The following SAPCD2 variants were observed in gnomAD, a reference collection of about 807,000 sequenced individuals.
The protein encoded by SAPCD2 is suppressor APC domain-containing protein 2.
Under a neutral mutation model 37.8 loss-of-function variants are expected in SAPCD2, and 34 were observed. The observed-to-expected ratio is 0.90, with a 90% CI of 0.68 to 1.20. SAPCD2 has a LOEUF of 1.20. Among genes scored for constraint, SAPCD2 ranks in the 50% most tolerant of loss-of-function variants. The pLI, the probability that SAPCD2 is intolerant of heterozygous loss-of-function variation, is 0.00. For synonymous variants in SAPCD2, 275 were observed against 270.3 expected (o/e 1.02, Z -0.17); for missense variants, 572 against 584.7 (o/e 0.98, Z 0.22).
rs1466655170 is a variant in SAPCD2, at chr9:137,065,561, C to T, written c.792G>A (p.Gln264=). 6.2e-7 allele frequency: 1 copy of T among 1,609,526 alleles called. No homozygotes were observed. Among genetic ancestry groups the T allele is most frequent in the African/African-American group, 1.3e-5 (1 of 74,980 alleles). The change falls in exon 3 of 6, where the codon CAG becomes CAA. Residue 264 remains glutamine, a synonymous_variant. Coordinates refer to ENST00000409687, the MANE Select transcript of SAPCD2 (RefSeq NM_178448.4). ...TCTGGCCCAGGCGGCGCTGGCGCTC[C>T]TGCACTCGTTGCAGCTGCTGCTGGT... ...DWYQQQLQRV[Q]ERQRRLGQSR...
At chr9:137,067,285 G>A (rs1048033382) in intron 1 of SAPCD2, among the ~76,000 whole-genome samples, 24 of 150,776 alleles carry the variant, frequency 1.6e-4, no homozygotes, top group African/African-American at 4.9e-4. Flanking sequence ...CACTGTGCCC[G>A]GCCGGCAATA....
At position 137,063,994 on chromosome 9, in the gene SAPCD2, G is replaced by A. The variant is rs1737880291; in HGVS notation, c.*665C>T. 6.3e-6 allele frequency: 1 copy of A among 158,064 alleles called. No individual in the cohort carries two copies. The highest frequency in any genetic ancestry group is 2.4e-5 in the African/African-American group (1 of 41,460). The allele number at this position is 158,064 out of a possible 1,614,324, so 9.8% of individuals were successfully genotyped here. ...CAAGAGGGGGAAGGCCATCACCCCA[G>A]GGTCTGTGGGAGGCACATGCAGGCC... On this transcript the variant is annotated 3_prime_UTR_variant, in exon 6 of 6. Transcript: ENST00000409687.
In SAPCD2 at chr9:137,070,532, C is replaced by G. The variant is rs916780080; in HGVS notation, c.-72G>C. 1.2e-5 allele frequency: 12 copies of G among 996,482 alleles called. No individual in the cohort carries two copies. The East Asian group carries it at 1.5e-4, about 12-fold the overall frequency. 61.7% of individuals were successfully genotyped at this position (996,482 alleles called of 1,614,324 possible). On this transcript the variant is annotated 5_prime_UTR_variant, in exon 1 of 6. Coordinates refer to ENST00000409687, the MANE Select transcript of SAPCD2 (RefSeq NM_178448.4). The stretch of plus-strand genomic sequence containing the variant: ...CGGCCCCACGGAGGGGCCGGCCCGG[C>G]GAGCTCAGCCCACGGCGACAATAGC...
In SAPCD2 at chr9:137,070,519, G is replaced by A. The variant is rs547985510; in HGVS notation, c.-59C>T. On this transcript the variant is annotated 5_prime_UTR_variant, in exon 1 of 6. Transcript: ENST00000409687. ...GTGCGTCCCAGCGCGGCCCCACGGA[G>A]GGGCCGGCCCGGCGAGCTCAGCCCA... is the stretch of plus-strand genomic sequence containing the variant. 1 of 1,103,256 alleles carries A rather than the reference G, an allele frequency of 9.1e-7. No individual in the cohort carries two copies. Among genetic ancestry groups the A allele is most frequent in the Non-Finnish European group, 1.1e-6 (1 of 879,734 alleles). The allele number at this position is 1,103,256 out of a possible 1,614,324, so 68.3% of individuals were successfully genotyped here.
intron 1 of SAPCD2, among the ~76,000 whole-genome samples, chr9:137,067,032 G>T (rs1832555408): frequency 6.6e-6 from 1 of 152,128 alleles, no homozygotes; most frequent in South Asian, 2.1e-4. Flanking sequence ...CTGTTGCCCA[G>T]GCTGGAGTGC....
In SAPCD2 at chr9:137,070,302, C is replaced by T; in HGVS notation, c.159G>A (p.Glu53=). 1 of 1,479,892 alleles carries T rather than the reference C, an allele frequency of 6.8e-7. No individual in the cohort carries two copies. The highest frequency in any genetic ancestry group is 1.3e-5 in the South Asian group (1 of 79,062). The allele number at this position is 1,479,892 out of a possible 1,614,324, so 91.7% of individuals were successfully genotyped here. ...RRGCVHLREI[E]SRWQGTDARE... ...GCGCGTCGGTGCCCTGCCAGCGGGA[C>T]TCGATCTCGCGCAGGTGCACGCAGC... The change falls in exon 1 of 6, where the codon GAG becomes GAA. Residue 53 remains glutamate (E), a synonymous_variant. Transcript: ENST00000409687.
intron 2 of SAPCD2, 25 bp downstream of exon 2, chr9:137,066,237 C>A (rs1228589115): frequency 6.4e-7 from 1 of 1,559,526 alleles, no homozygotes; most frequent in Non-Finnish European, 8.7e-7. Context: ...ATGGAGAGCC[C>A]CACAGAGCCC....
At position 137,066,123 on chromosome 9, in the gene SAPCD2, C is replaced by T. The variant is rs542226762; in HGVS notation, c.684+139G>A. The T allele has an allele frequency of 1.6e-5, 12 of 733,924 alleles. No individual in the cohort carries two copies. The East Asian group carries it at 3.0e-4, about 18-fold the overall frequency. 45.5% of individuals were successfully genotyped at this position (733,924 alleles called of 1,614,324 possible). ...GGCCATCCCTCCAGGGGAGTCAAGCCCAGGTAGGGAGAGAGATGTCCAGAG... is the reference window on the plus strand; with the variant it reads ...GGCCATCCCTCCAGGGGAGTCAAGCTCAGGTAGGGAGAGAGATGTCCAGAG... On this transcript the variant is annotated intron_variant, in intron 2 of 5. Transcript: ENST00000409687.
At chr9:137,066,477 G>A in intron 1 of SAPCD2, 103 bp from the exon 2 acceptor site, 1 of 864,010 alleles carries the variant, frequency 1.2e-6, no homozygotes, top group Non-Finnish European at 1.8e-6. Context: ...CGAGGTCTCG[G>A]GCACCAGCCT....
At chr9:137,066,672 A>G (rs991920810) in intron 1 of SAPCD2, among the ~76,000 whole-genome samples, 2 of 152,208 alleles carry the variant, frequency 1.3e-5, no homozygotes, top group African/African-American at 2.4e-5. Context: ...TCTCTTCTGC[A>G]CACCCAGTGC....
intron 1 of SAPCD2, among the ~76,000 whole-genome samples, chr9:137,067,926 C>T (rs948231039): frequency 3.3e-5 from 5 of 152,126 alleles, no homozygotes; most frequent in Admixed American, 2.0e-4. Flanking sequence ...AAGAGTATCG[C>T]GTTGGTGCCA....
chr9:137,070,416 G>A lies in SAPCD2; in HGVS notation c.45C>T (p.Pro15=). The A allele has an allele frequency of 3.1e-6, 4 of 1,301,122 alleles. No individual in the cohort carries two copies. Among genetic ancestry groups the A allele is most frequent in the Non-Finnish European group, 3.9e-6 (4 of 1,024,550 alleles). 80.6% of individuals were successfully genotyped at this position (1,301,122 alleles called of 1,614,324 possible). The change falls in exon 1 of 6, where the codon CCC becomes CCT. Residue 15 remains proline (P), a synonymous_variant. Transcript: ENST00000409687. ...GCCCCTCCGTGCTGGGCGCGGGTGC[G>A]GGGGGAGGCACGCGGCCCCGCTCGG... ...AMAERGRVPP[P]APAPSTEGLP...
chr9:137,066,186 GGCCCCCCT>G, intron 2 of SAPCD2, 68 bp downstream of exon 2: 4 of 1,164,328 alleles, frequency 3.4e-6, no homozygotes, highest in Non-Finnish European at 5.0e-6. Context: ...CCAGGCTCAA[GGCCCCCCT>G]GCTCCCATCC....
At chr9:137,066,038 G>A (rs924782159) in intron 2 of SAPCD2, among the ~76,000 whole-genome samples, 2 of 152,180 alleles carry the variant, frequency 1.3e-5, no homozygotes, top group African/African-American at 4.8e-5. Flanking sequence ...TCGTGAGGCG[G>A]GCTGGGCAGC....
rs1324099948 is a variant in SAPCD2, at chr9:137,064,251, G to T, written c.*408C>A. On this transcript the variant is annotated 3_prime_UTR_variant, in exon 6 of 6. Transcript: ENST00000409687. ...CTTGGACCCGCGTCGGAGCCGCCCC[G>T]CGCCCTCTGCTGCCCGTTGTTGGAA... The T allele has an allele frequency of 8.4e-6, 2 of 236,732 alleles. No homozygotes were observed. The highest frequency in any genetic ancestry group is 2.4e-5 in the African/African-American group (1 of 42,452). 14.7% of individuals were successfully genotyped at this position (236,732 alleles called of 1,614,324 possible).
At position 137,063,268 on chromosome 9, in the gene SAPCD2, G is replaced by A. The variant is rs906811362; in HGVS notation, c.*1391C>T. Reference sequence around the variant, plus strand: ...GCTGGGCTGACTTGGGCCTGTCCTGGGACACCCCTGCAGACCAGGTGCAGC... The same window carrying A: ...GCTGGGCTGACTTGGGCCTGTCCTGAGACACCCCTGCAGACCAGGTGCAGC... On this transcript the variant is annotated 3_prime_UTR_variant, in exon 6 of 6. Transcript: ENST00000409687. 1 of 152,354 alleles carries A rather than the reference G, an allele frequency of 6.6e-6. No individual in the cohort carries two copies. The highest frequency in any genetic ancestry group is 2.4e-5 in the African/African-American group (1 of 41,462). The allele number at this position is 152,354 out of a possible 1,614,324, so 9.4% of individuals were successfully genotyped here. A position where few individuals can be genotyped will look rare whatever the true frequency, so the allele number is the denominator to read the frequency against.
chr9:137,066,990 C>T (rs1434402412), intron 1 of SAPCD2, among the ~76,000 whole-genome samples: 1 of 152,056 alleles, frequency 6.6e-6, no homozygotes, highest in Non-Finnish European at 1.5e-5. Flanking sequence ...AACCCCATTT[C>T]TTCCTTTTTT....
In SAPCD2 at chr9:137,064,058, A is replaced by C; in HGVS notation, c.*601T>G. ...CCCGGCGTGCCGATCCGCTGCAGCC[A>C]GGGTCCCTCAGCCTTGGCCAGAACC... is the stretch of plus-strand genomic sequence containing the variant. On this transcript the variant is annotated 3_prime_UTR_variant, in exon 6 of 6. Transcript: ENST00000409687. 1 of 162,742 alleles carries C rather than the reference A, an allele frequency of 6.1e-6. No individual in the cohort carries two copies. The highest frequency in any genetic ancestry group is 1.6e-4 in the South Asian group (1 of 6,240). 10.1% of individuals were successfully genotyped at this position (162,742 alleles called of 1,614,324 possible). A position where few individuals can be genotyped will look rare whatever the true frequency, so the allele number is the denominator to read the frequency against.
chr9:137,066,747 G>A (rs1193256733), intron 1 of SAPCD2, among the ~76,000 whole-genome samples: 1 of 152,310 alleles, frequency 6.6e-6, no homozygotes, highest in East Asian at 1.9e-4. Flanking sequence ...TGGGCGGGGG[G>A]GTTCTGGTCC....
Sources: allele counts gnomAD v4.1 joint callset (sites outside exome capture counted in the v4.1 genomes callset), GRCh38; gene constraint gnomAD v4.1.1; transcripts MANE v1.5; gene names NCBI Gene and HGNC (gene_info 2026-07-23, HGNC 2026-07-21).